Variants in CTNND2 observed in about 807,000 individuals in gnomAD.
CTNND2 encodes the protein catenin delta-2.
CTNND2 carries 22 observed loss-of-function variants against 144.4 expected under a neutral mutation model. The observed-to-expected ratio is 0.15, with a 90% CI of 0.11 to 0.22. The LOEUF is 0.22. CTNND2 is among the 10% of genes least tolerant of loss of function. The pLI, the probability that CTNND2 is intolerant of heterozygous loss-of-function variation, is 1.00. For missense variants in CTNND2, 1,353 were observed against 1,618.8 expected (o/e 0.84, Z 2.82); for synonymous variants, 751 against 695.6 (o/e 1.08, Z -1.25).
At chr5:11,438,194 G>A (rs1763941145) in intron 3 of CTNND2, among the ~76,000 whole-genome samples, 1 of 152,156 alleles carries the variant, frequency 6.6e-6, no homozygotes, top group Non-Finnish European at 1.5e-5. Flanking sequence ...TTTCAATAAG[G>A]TAAAGGGATA....
At chr5:11,544,959 A>G (rs1035413561) in intron 3 of CTNND2, among the ~76,000 whole-genome samples, 2 of 151,938 alleles carry the variant, frequency 1.3e-5, no homozygotes, top group African/African-American at 4.8e-5. Context: ...CCTACTAAAA[A>G]AGTTACAAAA....
chr5:11,024,409 C>G (rs1394597965), intron 16 of CTNND2, among the ~76,000 whole-genome samples: 3 of 152,192 alleles, frequency 2.0e-5, no homozygotes, highest in Admixed American at 1.3e-4. Flanking sequence ...AATAGTTTAT[C>G]TATTTATCAT....
intron 3 of CTNND2, among the ~76,000 whole-genome samples, chr5:11,492,537 ATG>A (rs1054263282): frequency 3.0e-5 from 4 of 131,794 alleles, no homozygotes; most frequent in African/African-American, 5.7e-5. Flanking sequence ...GTGTGTGTGT[ATG>A]TGTGTGTATC....
intron 2 of CTNND2, among the ~76,000 whole-genome samples, chr5:11,565,975 C>G (rs757264887): frequency 6.6e-6 from 1 of 152,034 alleles, no homozygotes; most frequent in Non-Finnish European, 1.5e-5. Context: ...GGATAAGAAA[C>G]AAGAATGCTT....
At chr5:11,423,890 T>A (rs1029641102) in intron 3 of CTNND2, among the ~76,000 whole-genome samples, 2 of 152,208 alleles carry the variant, frequency 1.3e-5, no homozygotes, top group African/African-American at 4.8e-5. Flanking sequence ...AGAAAAAATT[T>A]TTTTTTTGCT....
intron 2 of CTNND2, among the ~76,000 whole-genome samples, chr5:11,595,973 CA>C (rs1473196527): frequency 6.6e-6 from 1 of 152,132 alleles, no homozygotes. Flanking sequence ...TCAATAATAA[CA>C]AAGGCAGGAT....
At chr5:11,352,511 C>T (rs375452529) in intron 8 of CTNND2, among the ~76,000 whole-genome samples, 8 of 152,040 alleles carry the variant, frequency 5.3e-5, no homozygotes, top group Non-Finnish European at 1.2e-4. Flanking sequence ...CATTTATCTA[C>T]GTAACAAACC....
At chr5:11,722,526 G>A (rs949249097) in intron 2 of CTNND2, among the ~76,000 whole-genome samples, 2 of 152,196 alleles carry the variant, frequency 1.3e-5, no homozygotes, top group African/African-American at 4.8e-5. Context: ...CTGAGACTAG[G>A]TAATTTATAA....
intron 2 of CTNND2, among the ~76,000 whole-genome samples, chr5:11,730,159 C>T (rs1787295231): frequency 6.6e-6 from 1 of 152,106 alleles, no homozygotes; most frequent in South Asian, 2.1e-4. Context: ...TAGTAGTATT[C>T]ATATTGTGAA....
chr5:11,503,770 A>G (rs989188097), intron 3 of CTNND2, among the ~76,000 whole-genome samples: 1 of 152,224 alleles, frequency 6.6e-6, no homozygotes. Context: ...TCATACTTCT[A>G]TACATTACGA....
At chr5:11,095,178 G>A (rs1751210165) in intron 15 of CTNND2, among the ~76,000 whole-genome samples, 2 of 152,272 alleles carry the variant, frequency 1.3e-5, no homozygotes, top group South Asian at 4.1e-4. Flanking sequence ...AGCAGTTCTT[G>A]CAGCTGATCT....
At chr5:11,083,125 C>A (rs1163673456) in intron 15 of CTNND2, among the ~76,000 whole-genome samples, 1 of 152,102 alleles carries the variant, frequency 6.6e-6, no homozygotes, top group Non-Finnish European at 1.5e-5. Context: ...AAGCCATTTG[C>A]GTGATGCGTA....
chr5:11,027,272 G>C (rs1014818113), intron 16 of CTNND2: 2 of 152,184 alleles, frequency 1.3e-5, no homozygotes, highest in Non-Finnish European at 2.9e-5. Flanking sequence ...CCTGTGCAAA[G>C]ATAATACATA....
intron 1 of CTNND2, among the ~76,000 whole-genome samples, chr5:11,794,124 C>G (rs547052433): frequency 3.2e-4 from 49 of 152,350 alleles, no homozygotes; most frequent in African/African-American, 1.2e-3. Context: ...TAGGCCAACT[C>G]CTGAAACTAT....
At chr5:11,053,573 T>C (rs992368441) in intron 16 of CTNND2, among the ~76,000 whole-genome samples, 1 of 152,228 alleles carries the variant, frequency 6.6e-6, no homozygotes, top group African/African-American at 2.4e-5. Flanking sequence ...GCAGCACTGT[T>C]ACCTTGAAGA....
intron 10 of CTNND2, among the ~76,000 whole-genome samples, chr5:11,207,956 A>C (rs1738226069): frequency 6.6e-6 from 1 of 152,196 alleles, no homozygotes; most frequent in Non-Finnish European, 1.5e-5. Flanking sequence ...ATTGATGAAA[A>C]AACCTTTTGG....
intron 2 of CTNND2, among the ~76,000 whole-genome samples, chr5:11,664,423 G>C (rs970919451): frequency 6.6e-6 from 1 of 151,960 alleles, no homozygotes; most frequent in Non-Finnish European, 1.5e-5. Flanking sequence ...AAACCCCATC[G>C]CTACTAAAAA....
intron 2 of CTNND2, among the ~76,000 whole-genome samples, chr5:11,633,255 T>A (rs1781502815): frequency 1.3e-5 from 2 of 152,086 alleles, no homozygotes; most frequent in African/African-American, 2.4e-5. Context: ...AGAGAAAAAT[T>A]ACTCTTCCTT....
intron 2 of CTNND2, among the ~76,000 whole-genome samples, chr5:11,565,565 C>T (rs1777021498): frequency 6.6e-6 from 1 of 151,378 alleles, no homozygotes; most frequent in African/African-American, 2.5e-5. Context: ...TGCTTTATAA[C>T]CCACACTCTT....
Sources: gnomAD v4.1 joint callset for allele counts (sites outside exome capture counted in the v4.1 genomes callset) on GRCh38, gnomAD v4.1.1 for gene constraint, MANE v1.5 for transcripts, NCBI Gene and HGNC (gene_info 2026-07-23, HGNC 2026-07-21) for gene names.